Variants in HECW1 observed in about 807,000 individuals in gnomAD.
HECW1 encodes E3 ubiquitin-protein ligase HECW1.
A neutral mutation model predicts 182.3 loss-of-function variants in HECW1; 61 were observed. The observed-to-expected ratio is 0.33, with a 90% CI of 0.27 to 0.41. The LOEUF (loss-of-function observed/expected upper bound fraction) is 0.41. Ranked by LOEUF, HECW1 falls within the 10% of genes least tolerant of loss-of-function variation. HECW1 has a pLI of 1.00. For synonymous variants in HECW1, 859 were observed against 832.6 expected (o/e 1.03, Z -0.55); for missense variants, 1,739 against 2,108.9 (o/e 0.82, Z 3.44).
At chr7:43,482,107 C>T (rs897413739) in intron 17 of HECW1, among the ~76,000 whole-genome samples, 2 of 152,158 alleles carry the variant, frequency 1.3e-5, no homozygotes, top group African/African-American at 4.8e-5. Flanking sequence ...CAAACCTCAC[C>T]CATCCCTATG....
At chr7:43,550,036 T>C (rs547782897) in intron 26 of HECW1, among the ~76,000 whole-genome samples, 2 of 151,858 alleles carry the variant, frequency 1.3e-5, no homozygotes, top group South Asian at 4.2e-4. Context: ...CCCAATACTT[T>C]GGAGTTGGGA....
chr7:43,514,889 C>A (rs1585153838), intron 24 of HECW1, among the ~76,000 whole-genome samples: 1 of 152,206 alleles, frequency 6.6e-6, no homozygotes, highest in Admixed American at 6.5e-5. Context: ...CAGACATAAA[C>A]AAAGCCACAG....
At chr7:43,508,189 G>A in intron 23 of HECW1, 58 bp downstream of exon 23, 3 of 1,158,880 alleles carry the variant, frequency 2.6e-6, no homozygotes, top group South Asian at 2.5e-5. Context: ...GAGCCTCAGG[G>A]TCAGGGGTGA....
chr7:43,472,522 A>G (rs927892158), intron 16 of HECW1, among the ~76,000 whole-genome samples: 4 of 152,150 alleles, frequency 2.6e-5, no homozygotes, highest in Non-Finnish European at 1.5e-5. Flanking sequence ...CCAATGACTT[A>G]TAGAGTTACC....
intron 24 of HECW1, among the ~76,000 whole-genome samples, chr7:43,535,739 C>T (rs1476319261): frequency 3.3e-5 from 5 of 152,164 alleles, no homozygotes; most frequent in African/African-American, 1.2e-4. Context: ...GTCCCATCTA[C>T]GTATGTATGC....
chr7:43,137,030 C>T (rs550400410), intron 2 of HECW1, among the ~76,000 whole-genome samples: 4 of 152,310 alleles, frequency 2.6e-5, no homozygotes, highest in East Asian at 1.9e-4. Flanking sequence ...CTAGACCCAC[C>T]ATCCAGGTCA....
intron 6 of HECW1, among the ~76,000 whole-genome samples, chr7:43,396,443 A>T (rs1374171995): frequency 6.6e-6 from 1 of 152,254 alleles, no homozygotes; most frequent in African/African-American, 2.4e-5. Context: ...TATAATTACA[A>T]TAGTAAACAT....
At chr7:43,341,050 A>G (rs1052258436) in intron 5 of HECW1, among the ~76,000 whole-genome samples, 2 of 151,702 alleles carry the variant, frequency 1.3e-5, no homozygotes, top group African/African-American at 4.9e-5. Context: ...TCAGCAAACT[A>G]TCACAAGGAC....
chr7:43,366,118 C>A (rs1033555746), intron 6 of HECW1, among the ~76,000 whole-genome samples: 8 of 150,630 alleles, frequency 5.3e-5, no homozygotes, highest in Admixed American at 2.0e-4. Flanking sequence ...AAAAAAAGAA[C>A]AAAGAACAAA....
At chr7:43,492,010 T>C (rs1228620213) in intron 17 of HECW1, 65 bp from the exon 18 acceptor site, 6 of 1,159,002 alleles carry the variant, frequency 5.2e-6, no homozygotes, top group Non-Finnish European at 7.6e-6. Context: ...GTTGAAAAAC[T>C]GGTATCAAGA....
rs10274010 is a variant in HECW1 at position 43,432,183 on chromosome 7, G to A, written c.802-5820G>A. Among the ~76,000 whole-genome samples, 51,743 of 147,100 alleles carry A rather than the reference G, an allele frequency of 0.35. 9,298 individuals carry two copies. Among genetic ancestry groups the A allele is most frequent in the Middle Eastern group, 0.48 (138 of 286 alleles). ...GAGACGGAGTCTCGCTCTGTCGCCC[G>A]GGCTGGAGTGCAGTGGCGGGATCTC... On this transcript the variant is annotated intron_variant, in intron 8 of 29. Coordinates refer to ENST00000395891, the MANE Select transcript of HECW1 (RefSeq NM_015052.5). The surrounding 1 kb of genome is among the most constrained non-coding windows in gnomAD (Gnocchi z 4.1).
intron 2 of HECW1, among the ~76,000 whole-genome samples, chr7:43,149,904 A>C (rs1452012506): frequency 6.6e-6 from 1 of 151,978 alleles, no homozygotes; most frequent in African/African-American, 2.4e-5. Context: ...AAAAAGTAAA[A>C]CTCAAACAAT....
chr7:43,389,373 C>T (rs189321336), intron 6 of HECW1, among the ~76,000 whole-genome samples: 7 of 152,280 alleles, frequency 4.6e-5, no homozygotes, highest in Non-Finnish European at 5.9e-5. Flanking sequence ...GCCCTGTAGG[C>T]GATTCTGATG....
intron 16 of HECW1, among the ~76,000 whole-genome samples, chr7:43,474,323 C>A (rs1476705961): frequency 1.3e-5 from 2 of 152,080 alleles, no homozygotes; most frequent in African/African-American, 4.8e-5. Flanking sequence ...GTGGCGGGTG[C>A]CTGTAGTCCC....
chr7:43,453,453 T>A (rs553065527), intron 12 of HECW1, among the ~76,000 whole-genome samples: 83 of 152,200 alleles, frequency 5.5e-4, no homozygotes, highest in Non-Finnish European at 8.8e-5. Context: ...GCAGAGCAGG[T>A]TTTGATGGGA....
intron 6 of HECW1, among the ~76,000 whole-genome samples, chr7:43,390,983 G>A (rs1321744849): frequency 6.6e-6 from 1 of 152,024 alleles, no homozygotes; most frequent in Non-Finnish European, 1.5e-5. Context: ...TTTATTGGGG[G>A]TCTGAAAAAA....
At chr7:43,292,211 A>G (rs79527650) in intron 3 of HECW1, among the ~76,000 whole-genome samples, 8,258 of 152,304 alleles carry the variant, frequency 0.054, 300 homozygotes, top group Middle Eastern at 0.11. Flanking sequence ...GTCTCCTACA[A>G]TCATATCTTA....
chr7:43,130,528 A>G (rs1392837764), intron 2 of HECW1, among the ~76,000 whole-genome samples: 1 of 152,230 alleles, frequency 6.6e-6, no homozygotes, highest in African/African-American at 2.4e-5. Context: ...TATGCTACAA[A>G]GAAAATGATA....
chr7:43,211,896 A>T (rs1212000767), intron 2 of HECW1, among the ~76,000 whole-genome samples: 1 of 152,206 alleles, frequency 6.6e-6, no homozygotes, highest in Non-Finnish European at 1.5e-5. Context: ...GATGTTTGGA[A>T]TTCTTCAGAT....
Sources: gnomAD v4.1 joint callset for allele counts (sites outside exome capture counted in the v4.1 genomes callset) on GRCh38, gnomAD v4.1.1 for gene constraint, Gnocchi (gnomAD v3.1) non-coding constraint, MANE v1.5 for transcripts, NCBI Gene and HGNC (gene_info 2026-07-23, HGNC 2026-07-21) for gene names.